The following RALYL variants were observed in gnomAD, a reference collection of about 807,000 sequenced individuals.
RALYL encodes the protein RALY RNA binding protein like.
A neutral mutation model predicts 35.1 loss-of-function variants in RALYL; 29 were observed. That is an observed-to-expected ratio of 0.83 (90% confidence interval 0.61 to 1.13). The LOEUF (loss-of-function observed/expected upper bound fraction) is 1.13, where lower values mean the gene tolerates loss of function less well. Ranked by LOEUF, RALYL falls within the 50% of genes most tolerant of loss-of-function variation. The probability of loss-of-function intolerance (pLI) is 0.00; values close to 1 mark genes in which losing one functional copy is unlikely to be tolerated. For missense variants in RALYL, 359 were observed against 360.4 expected (o/e 1.00, Z 0.03); for synonymous variants, 120 against 127.6 (o/e 0.94, Z 0.40).
chr8:84,869,290 C>G lies in RALYL; in HGVS notation c.572-3994C>G, dbSNP rs146814058. ...ATGTACATCATCAGATTCTCAGATTCTTTATTGTTGAAATACTGTATTTAA... is the reference window on the plus strand; with the variant it reads ...ATGTACATCATCAGATTCTCAGATTGTTTATTGTTGAAATACTGTATTTAA... On this transcript the variant is annotated intron_variant, in intron 6 of 8. Coordinates refer to ENST00000521268, the MANE Select transcript of RALYL (RefSeq NM_173848.7). Among the ~76,000 whole-genome samples the G allele has an allele frequency of 3.0e-3, 455 of 152,172 alleles. 3 individuals carry two copies. The highest frequency in any genetic ancestry group is 0.01 in the African/African-American group (432 of 41,520).
At chr8:84,499,091 C>CTT (rs11338367) in intron 1 of RALYL, among the ~76,000 whole-genome samples, 2 of 143,716 alleles carry the variant, frequency 1.4e-5, no homozygotes, top group Non-Finnish European at 1.5e-5. Flanking sequence ...CATCTGTTTT[C>CTT]TTTTTTTTTT....
intron 2 of RALYL, among the ~76,000 whole-genome samples, chr8:84,644,816 A>G (rs560126452): frequency 2.0e-5 from 3 of 151,508 alleles, no homozygotes; most frequent in Admixed American, 6.6e-5. Context: ...CAGTGGTTCA[A>G]TTTTGGCTCA....
chr8:84,360,743 G>A (rs1852817961), intron 1 of RALYL, among the ~76,000 whole-genome samples: 1 of 152,146 alleles, frequency 6.6e-6, no homozygotes, highest in Non-Finnish European at 1.5e-5. Flanking sequence ...TCTCTCTAGG[G>A]AGGTATGTGA....
At chr8:84,538,279 C>T (rs189977530) in intron 2 of RALYL, among the ~76,000 whole-genome samples, 28 of 152,236 alleles carry the variant, frequency 1.8e-4, no homozygotes, top group Non-Finnish European at 2.2e-4. Context: ...TTCATTAAAA[C>T]TATCATTGGA....
chr8:84,441,752 G>C (rs1242795881), intron 1 of RALYL, among the ~76,000 whole-genome samples: 2 of 152,046 alleles, frequency 1.3e-5, no homozygotes, highest in Admixed American at 1.3e-4. Context: ...TATCAATAAT[G>C]TTTATAAAAG....
At chr8:84,835,776 G>A (rs1831895245) in intron 4 of RALYL, among the ~76,000 whole-genome samples, 1 of 151,022 alleles carries the variant, frequency 6.6e-6, no homozygotes, top group South Asian at 2.1e-4. Flanking sequence ...GAAACCTTTT[G>A]TTGAGCCATC....
intron 2 of RALYL, among the ~76,000 whole-genome samples, chr8:84,568,498 C>T (rs1360850748): frequency 4.7e-5 from 7 of 149,396 alleles, no homozygotes; most frequent in African/African-American, 7.4e-5. Flanking sequence ...TGAATAATGC[C>T]GCAATAAACA....
At chr8:84,692,803 T>C (rs1003932175) in intron 2 of RALYL, among the ~76,000 whole-genome samples, 1 of 151,972 alleles carries the variant, frequency 6.6e-6, no homozygotes, top group Non-Finnish European at 1.5e-5. Context: ...ATTATCTGGA[T>C]GTGTCAATGT....
chr8:84,486,322 T>C (rs964092964), intron 1 of RALYL, among the ~76,000 whole-genome samples: 6 of 150,946 alleles, frequency 4.0e-5, no homozygotes, highest in Non-Finnish European at 7.4e-5. Flanking sequence ...GAAAAGCAAA[T>C]AGTTAAAAAT....
chr8:84,285,648 T>C (rs1837452568), intron 1 of RALYL, among the ~76,000 whole-genome samples: 1 of 152,102 alleles, frequency 6.6e-6, no homozygotes, highest in Admixed American at 6.6e-5. Flanking sequence ...GTTATAGGGA[T>C]ATCTTGGGAA....
At chr8:84,471,586 G>C (rs7013087) in intron 1 of RALYL, among the ~76,000 whole-genome samples, 1 of 151,940 alleles carries the variant, frequency 6.6e-6, no homozygotes, top group African/African-American at 2.4e-5. Context: ...GCAACAACAA[G>C]AAGACTGGTT....
intron 2 of RALYL, among the ~76,000 whole-genome samples, chr8:84,769,614 A>G (rs1814938032): frequency 6.6e-6 from 1 of 152,088 alleles, no homozygotes; most frequent in African/African-American, 2.4e-5. Flanking sequence ...TACAAAAATT[A>G]GTAGGGCAGG....
chr8:84,607,128 T>C (rs1817316304), intron 2 of RALYL, among the ~76,000 whole-genome samples: 1 of 152,132 alleles, frequency 6.6e-6, no homozygotes, highest in African/African-American at 2.4e-5. Context: ...ATCTATCTTT[T>C]CTTTTCCTGT....
At chr8:84,721,984 G>GTTA (rs1844005421) in intron 2 of RALYL, among the ~76,000 whole-genome samples, 1 of 152,014 alleles carries the variant, frequency 6.6e-6, no homozygotes, top group Non-Finnish European at 1.5e-5. Context: ...AGTTATTGCA[G>GTTA]GTGAAAGCTC....
chr8:84,201,390 T>A (rs1816805006), intron 1 of RALYL, among the ~76,000 whole-genome samples: 1 of 152,186 alleles, frequency 6.6e-6, no homozygotes, highest in Non-Finnish European at 1.5e-5. Flanking sequence ...TATGTCAGTA[T>A]TCCCAGTATA....
intron 1 of RALYL, among the ~76,000 whole-genome samples, chr8:84,434,335 T>A (rs1453439779): frequency 2.0e-5 from 3 of 152,128 alleles, no homozygotes; most frequent in South Asian, 4.1e-4. Context: ...GACTTTAACA[T>A]ATGAATTTGA....
At chr8:84,362,138 TCAGTAAA>T (rs1307434791) in intron 1 of RALYL, among the ~76,000 whole-genome samples, 2 of 152,156 alleles carry the variant, frequency 1.3e-5, no homozygotes, top group African/African-American at 4.8e-5. Context: ...CTTCATTCAT[TCAGTAAA>T]CATTTATTAA....
At chr8:84,474,311 G>T (rs898114309) in intron 1 of RALYL, among the ~76,000 whole-genome samples, 1 of 152,062 alleles carries the variant, frequency 6.6e-6, no homozygotes, top group African/African-American at 2.4e-5. Context: ...CATGCAAAAG[G>T]TCATATTGTC....
chr8:84,412,825 C>A (rs2044233067), intron 1 of RALYL, among the ~76,000 whole-genome samples: 1 of 151,888 alleles, frequency 6.6e-6, no homozygotes. Context: ...AGGAACTGGG[C>A]TCAAGTAGAG....
Sources: gnomAD v4.1 joint callset for allele counts (sites outside exome capture counted in the v4.1 genomes callset) on GRCh38, gnomAD v4.1.1 for gene constraint, MANE v1.5 for transcripts, NCBI Gene and HGNC (gene_info 2026-07-23, HGNC 2026-07-21) for gene names.